Variants in RIPOR2 observed in about 807,000 individuals in gnomAD.
RIPOR2 encodes the protein RHO family interacting cell polarization regulator 2, also known as rho family-interacting cell polarization regulator 2.
RIPOR2 carries 39 observed loss-of-function variants against 114.5 expected under a neutral mutation model. The observed-to-expected ratio is 0.34, with a 90% CI of 0.26 to 0.44. The LOEUF (loss-of-function observed/expected upper bound fraction) is 0.44, where lower values mean the gene tolerates loss of function less well. Among genes scored for constraint, RIPOR2 ranks in the 20% least tolerant of loss-of-function variants. The pLI is 1.00. For missense variants in RIPOR2, 1,007 were observed against 1,255.1 expected (o/e 0.80, Z 2.99); for synonymous variants, 445 against 484.4 (o/e 0.92, Z 1.07).
chr6:24,806,106 C>A lies in RIPOR2; in HGVS notation c.*267G>T, dbSNP rs529272005. 2.5e-5 allele frequency: 10 copies of A among 407,754 alleles called. No homozygotes were observed. The highest frequency in any genetic ancestry group is 3.9e-5 in the Non-Finnish European group (9 of 228,444). 25.3% of individuals were successfully genotyped at this position (407,754 alleles called of 1,614,324 possible). Reference sequence around the variant, plus strand: ...CTGGGACTACAGGTGCATGCCACCACGCCTGACTAATTAAACTATTTTTTT... The same window carrying A: ...CTGGGACTACAGGTGCATGCCACCAAGCCTGACTAATTAAACTATTTTTTT... On this transcript the variant is annotated 3_prime_UTR_variant, in exon 22 of 22. Coordinates refer to ENST00000643898, the MANE Select transcript of RIPOR2 (RefSeq NM_001286445.3).
chr6:25,025,935 A>C (rs1776594118), intron 1 of RIPOR2, among the ~76,000 whole-genome samples: 1 of 152,198 alleles, frequency 6.6e-6, no homozygotes, highest in South Asian at 2.1e-4. Flanking sequence ...ACTCCAAGGG[A>C]TGATTTGTTT....
chr6:25,024,542 G>T, intron 1 of RIPOR2: 1 of 611,812 alleles, frequency 1.6e-6, no homozygotes, highest in Non-Finnish European at 3.0e-6. Context: ...TCAGGGTGCA[G>T]TGAACCACTC....
intron 1 of RIPOR2, among the ~76,000 whole-genome samples, chr6:25,017,022 G>C (rs1057089794): frequency 1.3e-5 from 2 of 152,154 alleles, no homozygotes; most frequent in Non-Finnish European, 2.9e-5. Context: ...GACACTTTGT[G>C]GGGAGGTAGG....
chr6:24,873,704 G>T lies in RIPOR2; in HGVS notation c.284C>A (p.Pro95His), dbSNP rs375135903. 2.5e-6 allele frequency: 4 copies of T among 1,613,698 alleles called. No homozygotes were observed. The highest frequency in any genetic ancestry group is 2.2e-5 in the South Asian group (2 of 91,038). Residue 95 changes from proline (P) to histidine (H), a missense_variant, in exon 3 of 22, where the codon CCC becomes CAC. By Grantham distance (77) the Pro-to-His change is moderately conservative. Transcript: ENST00000643898. ...HNLGHKNNNPPKEPQPKRVEE... is the reference protein window; with the variant it reads ...HNLGHKNNNPHKEPQPKRVEE... ...CACCCTTTTAGGCTGAGGCTCTTTG[G>T]GGGGATTGTTGTTTTTGTGGCCTAA...
At chr6:25,013,348 A>G (rs1433084368) in intron 1 of RIPOR2, among the ~76,000 whole-genome samples, 1 of 152,138 alleles carries the variant, frequency 6.6e-6, no homozygotes, top group Non-Finnish European at 1.5e-5. Context: ...GGAGCCAGTA[A>G]GTCAAGCATC....
At chr6:24,917,958 T>C (rs1770205372) in intron 1 of RIPOR2, among the ~76,000 whole-genome samples, 1 of 152,242 alleles carries the variant, frequency 6.6e-6, no homozygotes, top group Admixed American at 6.5e-5. Context: ...ATTTATTTAT[T>C]CTGTGTCCCT....
chr6:24,827,875 C>A (rs1276046083), intron 18 of RIPOR2, among the ~76,000 whole-genome samples: 1 of 152,198 alleles, frequency 6.6e-6, no homozygotes, highest in Admixed American at 6.5e-5. Flanking sequence ...AAATAAATTA[C>A]AGTGAAAGCT....
chr6:25,035,565 T>C (rs1777202704), intron 1 of RIPOR2, among the ~76,000 whole-genome samples: 1 of 152,290 alleles, frequency 6.6e-6, no homozygotes, highest in African/African-American at 2.4e-5. Flanking sequence ...TGGGTGCTTG[T>C]ATCCACGCTG....
chr6:24,956,522 A>G (rs1773050793), intron 1 of RIPOR2, among the ~76,000 whole-genome samples: 1 of 152,244 alleles, frequency 6.6e-6, no homozygotes, highest in Non-Finnish European at 1.5e-5. Flanking sequence ...ATTCTATATC[A>G]TTTGTGATAT....
chr6:24,966,413 A>G (rs426423), intron 1 of RIPOR2, among the ~76,000 whole-genome samples: 125,340 of 152,220 alleles, frequency 0.82, 54,376 homozygotes, highest in East Asian at 0.96. Flanking sequence ...AGTTTACAAA[A>G]TTACCTAGCC....
At position 24,899,308 on chromosome 6, in the gene RIPOR2, AT is replaced by A. The variant is rs767630658; in HGVS notation, c.62-23492del. ...CATGAAGATAGCTTCTTTTGCACTGATTTGAAAAATGGGCACTTCTGGAAGA... is the reference window on the plus strand; with the variant it reads ...CATGAAGATAGCTTCTTTTGCACTGATTGAAAAATGGGCACTTCTGGAAGA... On this transcript the variant is annotated intron_variant, in intron 1 of 21. Coordinates refer to ENST00000643898, the MANE Select transcript of RIPOR2 (RefSeq NM_001286445.3). 3.3e-5 allele frequency among the ~76,000 whole-genome samples: 5 copies of A among 152,206 alleles called. No homozygotes were observed. The South Asian group carries it at 8.3e-4, about 25-fold the overall frequency.
intron 1 of RIPOR2, among the ~76,000 whole-genome samples, chr6:24,997,793 G>T (rs1031061656): frequency 6.6e-6 from 1 of 152,176 alleles, no homozygotes; most frequent in Non-Finnish European, 1.5e-5. Flanking sequence ...TGAGAAACAC[G>T]CACTGGTTTA....
At chr6:24,810,164 A>T (rs184746333) in intron 20 of RIPOR2, among the ~76,000 whole-genome samples, 1 of 152,070 alleles carries the variant, frequency 6.6e-6, no homozygotes. Flanking sequence ...CACTTTACCT[A>T]TGGGGTCAAA....
intron 6 of RIPOR2, among the ~76,000 whole-genome samples, 192 bp downstream of exon 6, chr6:24,868,902 C>G (rs746954790): frequency 2.8e-4 from 43 of 152,222 alleles, no homozygotes; most frequent in Non-Finnish European, 1.3e-4. Context: ...CAAAACTGTG[C>G]TGGGCCATCA....
intron 1 of RIPOR2, among the ~76,000 whole-genome samples, chr6:24,959,572 ACTCT>A (rs146238898): frequency 1.3e-5 from 2 of 151,494 alleles, no homozygotes; most frequent in African/African-American, 4.9e-5. Flanking sequence ...TGTTGTGGGG[ACTCT>A]CTCTCTCCTT....
chr6:24,977,492 T>A (rs1220696670), intron 1 of RIPOR2, among the ~76,000 whole-genome samples: 8 of 152,148 alleles, frequency 5.3e-5, no homozygotes, highest in Admixed American at 5.2e-4. Context: ...TTCTATCAGA[T>A]ACATAACAGG....
At chr6:25,015,424 C>T (rs1025884072) in intron 1 of RIPOR2, 1 of 152,196 alleles carries the variant, frequency 6.6e-6, no homozygotes, top group African/African-American at 2.4e-5. Context: ...ACCTTTTCGA[C>T]AGGATGGGAG....
intron 1 of RIPOR2, among the ~76,000 whole-genome samples, chr6:25,029,522 C>G (rs1776812837): frequency 6.6e-6 from 1 of 150,958 alleles, no homozygotes; most frequent in African/African-American, 2.4e-5. Context: ...ATTGACTGTA[C>G]CGAGAGAGTG....
At chr6:24,891,324 A>T (rs1767336117) in intron 1 of RIPOR2, among the ~76,000 whole-genome samples, 1 of 152,208 alleles carries the variant, frequency 6.6e-6, no homozygotes, top group African/African-American at 2.4e-5. Context: ...ACATCTGCTG[A>T]GTTATTTTTG....
Sources: gnomAD v4.1 joint callset for allele counts (sites outside exome capture counted in the v4.1 genomes callset) on GRCh38, gnomAD v4.1.1 for gene constraint, MANE v1.5 for transcripts, NCBI Gene and HGNC (gene_info 2026-07-23, HGNC 2026-07-21) for gene names.